The following VSTM1 variants were observed in gnomAD, a reference collection of about 807,000 sequenced individuals.
VSTM1 encodes V-set and transmembrane domain containing 1.
In VSTM1, 27 loss-of-function variants were observed where a neutral mutation model predicts 33.1. The observed-to-expected ratio is 0.82, with a 90% CI of 0.60 to 1.12. The LOEUF is 1.12. Among genes scored for constraint, VSTM1 ranks in the 50% most tolerant of loss-of-function variants. The probability of loss-of-function intolerance (pLI) is 0.00; values close to 1 mark genes in which losing one functional copy is unlikely to be tolerated. For missense variants in VSTM1, 304 were observed against 288.9 expected, an observed-to-expected ratio of 1.05 and a Z score of -0.38; for synonymous variants, 115 against 110.3, an observed-to-expected ratio of 1.04 and a Z score of -0.27.
chr19:54,054,446 G>A (rs2070987565), intron 3 of VSTM1, among the ~76,000 whole-genome samples: 1 of 142,380 alleles, frequency 7.0e-6, no homozygotes, highest in Non-Finnish European at 1.5e-5. Flanking sequence ...GAAACATTAA[G>A]TATTCAGTTA....
rs530993820 is a variant in VSTM1 at position 54,056,993 on chromosome 19, T to A, written c.355+1313A>T. On this transcript the variant is annotated intron_variant, in intron 3 of 8. Coordinates refer to ENST00000338372, the MANE Select transcript of VSTM1 (RefSeq NM_198481.4). ...GCCTCAGCCTCCCTAGTAGCTGGGA[T>A]TACAGGCGCCTGCCACCACGCCCAG... is the stretch of plus-strand genomic sequence containing the variant. Among the ~76,000 whole-genome samples, 160 of 140,174 alleles carry A rather than the reference T, an allele frequency of 1.1e-3. 27 individuals are homozygous for A. The highest frequency in any genetic ancestry group is 4.1e-3 in the African/African-American group (157 of 37,988). 92.0% of individuals were successfully genotyped at this position (140,174 alleles called of 152,430 possible).
intron 1 of VSTM1, among the ~76,000 whole-genome samples, chr19:54,062,771 A>G (rs1436771513): frequency 2.6e-5 from 4 of 151,134 alleles, no homozygotes; most frequent in Non-Finnish European, 4.4e-5. Flanking sequence ...GTAGGAGACG[A>G]GCATTACCCC....
rs750704924 is a variant in VSTM1 at position 54,063,815 on chromosome 19, T to A, written c.-38A>T. 2 of 1,612,296 alleles carry A rather than the reference T, an allele frequency of 1.2e-6. No homozygotes were observed. Among genetic ancestry groups the A allele is most frequent in the Non-Finnish European group, 1.7e-6 (2 of 1,179,284 alleles). ...GCCAGAACCAAGGCCCCGCCTTGGG[T>A]TTTACCCTTCAAAGGCGGAGCGGGA... is the stretch of plus-strand genomic sequence containing the variant. On this transcript the variant is annotated 5_prime_UTR_variant, in exon 1 of 9. Coordinates refer to ENST00000338372, the MANE Select transcript of VSTM1 (RefSeq NM_198481.4).
intron 3 of VSTM1, among the ~76,000 whole-genome samples, chr19:54,057,664 C>T (rs552554380): frequency 1.3e-4 from 20 of 151,798 alleles, no homozygotes; most frequent in Non-Finnish European, 2.6e-4. Flanking sequence ...CAAAAATTAG[C>T]CAGGTGTGGT....
intron 3 of VSTM1, among the ~76,000 whole-genome samples, chr19:54,051,788 T>C (rs1302451721): frequency 6.6e-6 from 1 of 152,092 alleles, no homozygotes; most frequent in Non-Finnish European, 1.5e-5. Context: ...TTTTTTTGAG[T>C]CTTGCACTGT....
chr19:54,052,343 AGCCGAG>A (rs2070891955), intron 3 of VSTM1, among the ~76,000 whole-genome samples: 2,442 of 131,100 alleles, frequency 0.019, 30 homozygotes, highest in Non-Finnish European at 0.02. Flanking sequence ...GCTTGCAGTG[AGCCGAG>A]ATCGCGCCAC....
intron 1 of VSTM1, among the ~76,000 whole-genome samples, chr19:54,061,784 G>A (rs2071405144): frequency 6.6e-6 from 1 of 151,694 alleles, no homozygotes; most frequent in South Asian, 2.1e-4. Flanking sequence ...ACTGCACTCC[G>A]GCCTGGGCAA....
chr19:54,041,080 T>G lies in VSTM1; in HGVS notation c.592A>C (p.Thr198Pro). 1 of 1,577,138 alleles carries G rather than the reference T, an allele frequency of 6.3e-7. No individual in the cohort carries two copies. The highest frequency in any genetic ancestry group is 8.6e-7 in the Non-Finnish European group (1 of 1,166,980). The change falls in exon 9 of 9, where the codon ACG becomes CCG. Residue 198 changes from threonine (T) to proline (P), a missense_variant and splice_region_variant. Transcript: ENST00000338372. ...LSNMERVSLS[T>P]ADPQGVTYAE... ...TAGGTCACTCCTTGGGGGTCTGCCGTCTTTGGAGAAAATAGATGAATATTA... is the reference window on the plus strand; with the variant it reads ...TAGGTCACTCCTTGGGGGTCTGCCGGCTTTGGAGAAAATAGATGAATATTA...
intron 4 of VSTM1, among the ~76,000 whole-genome samples, chr19:54,043,897 G>A (rs538351226): frequency 7.1e-6 from 1 of 140,914 alleles, no homozygotes; most frequent in Non-Finnish European, 1.6e-5. Flanking sequence ...GGAGGGGAGA[G>A]GAGGGAGGTC....
intron 4 of VSTM1, among the ~76,000 whole-genome samples, chr19:54,046,463 G>A (rs17207272): frequency 0.21 from 31,817 of 151,920 alleles, 3,570 homozygotes; most frequent in Non-Finnish European, 0.26. Flanking sequence ...GCTTTAAAGC[G>A]CTCAGTCTAG....
Position 54,042,178 on chromosome 19 carries a change from G to T in VSTM1, c.506C>A (p.Ser169Tyr), listed in dbSNP as rs749666791. Residue 169 changes from serine (S) to tyrosine (Y), a missense_variant, in exon 6 of 9, where the codon TCC becomes TAC. Transcript: ENST00000338372. The stretch of plus-strand genomic sequence containing the variant: ...TATGCCAAGCATCTACCTCTTGGTG[G>T]ATTCCTCAGATGATGAACCTACAAA... ...CSQHSSSSEE[S>Y]TKRTSHSKLP... The T allele has an allele frequency of 3.1e-5, 50 of 1,613,938 alleles. No homozygotes were observed. The highest frequency in any genetic ancestry group is 3.7e-5 in the Non-Finnish European group (44 of 1,180,008).
intron 4 of VSTM1, among the ~76,000 whole-genome samples, chr19:54,046,988 G>C (rs1467919282): frequency 6.6e-6 from 1 of 152,090 alleles, no homozygotes; most frequent in African/African-American, 2.4e-5. Context: ...CTGAGGTCAG[G>C]AGTTCGAGAC....
intron 3 of VSTM1, chr19:54,055,510 C>G (rs1213820314): frequency 7.0e-6 from 1 of 142,966 alleles, no homozygotes; most frequent in Non-Finnish European, 1.5e-5. Context: ...CCTCACCTGT[C>G]ACCCAGATCT....
intron 1 of VSTM1, 70 bp from the exon 2 acceptor site, chr19:54,058,802 A>G: frequency 7.6e-7 from 1 of 1,308,256 alleles, no homozygotes; most frequent in East Asian, 2.3e-5. Context: ...CAGAGAACGT[A>G]TGACTAGCTC....
chr19:54,042,806 GTATATATATATATATATATATATA>G (rs1203522841), intron 4 of VSTM1, among the ~76,000 whole-genome samples: 2 of 57,938 alleles, frequency 3.5e-5, no homozygotes, highest in African/African-American at 6.8e-5. Context: ...ATATAAATGT[GTATATATATATATATATATATATA>G]TATATATACA....
chr19:54,046,990 G>T (rs1310113493), intron 4 of VSTM1, among the ~76,000 whole-genome samples: 1 of 152,154 alleles, frequency 6.6e-6, no homozygotes, highest in Non-Finnish European at 1.5e-5. Flanking sequence ...GAGGTCAGGA[G>T]TTCGAGACCA....
At position 54,059,064 on chromosome 19, in the gene VSTM1, T is replaced by C. The variant is rs1025578674; in HGVS notation, c.35-332A>G. Among the ~76,000 whole-genome samples, 107 of 146,564 alleles carry C rather than the reference T, an allele frequency of 7.3e-4. 1 individual carries two copies. Among genetic ancestry groups the C allele is most frequent in the Non-Finnish European group, 1.3e-3 (88 of 66,324 alleles). On this transcript the variant is annotated intron_variant, in intron 1 of 8. Transcript: ENST00000338372. ...ATTCCAGCAACTTCTTCTTTCTTTT[T>C]TTTTTTTTTTTTTTGAAATGTAGTC...
At chr19:54,056,852 T>C (rs1480229660) in intron 3 of VSTM1, among the ~76,000 whole-genome samples, 2 of 125,222 alleles carry the variant, frequency 1.6e-5, no homozygotes, top group South Asian at 2.4e-4. Context: ...CATCTATCCT[T>C]CTTCTTCTTT....
intron 4 of VSTM1, among the ~76,000 whole-genome samples, chr19:54,044,614 C>A (rs1430028168): frequency 2.0e-5 from 3 of 151,992 alleles, no homozygotes; most frequent in Non-Finnish European, 4.4e-5. Flanking sequence ...AAAAACAAAA[C>A]AAAACAAAAA....
Sources: allele counts gnomAD v4.1 joint callset (sites outside exome capture counted in the v4.1 genomes callset), GRCh38; gene constraint gnomAD v4.1.1; transcripts MANE v1.5; gene names NCBI Gene and HGNC (gene_info 2026-07-23, HGNC 2026-07-21).